The following ZNF718 variants were observed in gnomAD, a reference collection of about 807,000 sequenced individuals.
ZNF718 encodes the protein zinc finger protein 718.
ZNF718 carries 3 observed loss-of-function variants against 2.6 expected under a neutral mutation model. That is an observed-to-expected ratio of 1.16 (90% CI 0.53 to 3.01). The LOEUF is 3.01. Ranked by LOEUF, ZNF718 falls within the 30% of genes most tolerant of loss-of-function variation. The pLI is 0.03. For synonymous variants in ZNF718, 135 were observed against 77.9 expected, an observed-to-expected ratio of 1.73 and a Z score of -3.86; for missense variants, 468 against 230.0, an observed-to-expected ratio of 2.03 and a Z score of -6.69.
intron 3 of ZNF718, among the ~76,000 whole-genome samples, chr4:142,414 G>C (rs1715852147): frequency 6.6e-6 from 1 of 152,198 alleles, no homozygotes; most frequent in Admixed American, 6.5e-5. Flanking sequence ...AGCCCAGTCA[G>C]TGTAAGTAAG....
chr4:138,543 G>C (rs1471615220), intron 3 of ZNF718, among the ~76,000 whole-genome samples: 6 of 152,116 alleles, frequency 3.9e-5, no homozygotes, highest in East Asian at 1.9e-4. Context: ...GGGACACTTA[G>C]GTTGCTTCTA....
intron 3 of ZNF718, among the ~76,000 whole-genome samples, chr4:188,521 C>G (rs564179910): frequency 6.6e-6 from 1 of 152,326 alleles, no homozygotes; most frequent in Non-Finnish European, 1.5e-5. Flanking sequence ...GCTCATCCCC[C>G]TGGATTCAGC....
At chr4:146,871 T>G (rs1009821905) in intron 3 of ZNF718, among the ~76,000 whole-genome samples, 1 of 152,124 alleles carries the variant, frequency 6.6e-6, no homozygotes, top group Non-Finnish European at 1.5e-5. Flanking sequence ...ATTTGGTTCT[T>G]TTTTAATGGT....
At chr4:136,849 G>A (rs1715593852) in intron 3 of ZNF718, among the ~76,000 whole-genome samples, 1 of 152,160 alleles carries the variant, frequency 6.6e-6, no homozygotes, top group Admixed American at 6.5e-5. Context: ...ATTGAAGGGT[G>A]TTTGAGTTTT....
At chr4:200,108 GC>G (rs2108819556) in intron 3 of ZNF718, among the ~76,000 whole-genome samples, 1 of 152,280 alleles carries the variant, frequency 6.6e-6, no homozygotes, top group South Asian at 2.1e-4. Context: ...AATAATTCTG[GC>G]ATTTCAAACA....
intron 3 of ZNF718, among the ~76,000 whole-genome samples, chr4:159,202 ATT>A (rs1428186345): frequency 6.6e-6 from 1 of 151,474 alleles, no homozygotes; most frequent in East Asian, 1.9e-4. Flanking sequence ...CACCTGGCTA[ATT>A]TTTTTGTATT....
chr4:160,861 A>G (rs1716791068), intron 3 of ZNF718, 51 bp from the exon 4 acceptor site: 1 of 709,030 alleles, frequency 1.4e-6, no homozygotes, highest in South Asian at 1.7e-5. Flanking sequence ...TGTAAAGTAT[A>G]TTTATATGAA....
intron 3 of ZNF718, among the ~76,000 whole-genome samples, chr4:180,963 T>C (rs1377630735): frequency 2.0e-5 from 3 of 152,150 alleles, no homozygotes; most frequent in African/African-American, 7.2e-5. Flanking sequence ...TATTTTGTCT[T>C]TTGTATTCAT....
At chr4:164,705 G>A (rs1418362195), downstream of ZNF718, among the ~76,000 whole-genome samples, 1 of 152,018 alleles carries the variant, frequency 6.6e-6, no homozygotes, top group African/African-American at 2.4e-5. Context: ...GTTTAATTGG[G>A]GAACCATATA....
At chr4:172,187 C>CT (rs1325225042) in intron 3 of ZNF718, among the ~76,000 whole-genome samples, 1 of 152,146 alleles carries the variant, frequency 6.6e-6, no homozygotes, top group Non-Finnish European at 1.5e-5. Flanking sequence ...CCAAATGCCT[C>CT]TTTTTTTCTG....
intron 3 of ZNF718, among the ~76,000 whole-genome samples, chr4:143,191 G>A (rs556713307): frequency 6.6e-6 from 1 of 152,218 alleles, no homozygotes; most frequent in African/African-American, 2.4e-5. Flanking sequence ...ACCAAAAAGG[G>A]GGAATTTCGT....
chr4:130,551 TCCTGGCCAACATCGTGAAAC>T lies in ZNF718; in HGVS notation c.4-232_4-213del, dbSNP rs1464367098. Among the ~76,000 whole-genome samples the T allele has an allele frequency of 8.9e-4, 91 of 102,232 alleles. 28 individuals are homozygous for T. The highest frequency in any genetic ancestry group is 2.7e-3 in the African/African-American group (78 of 29,318). 67.1% of individuals were successfully genotyped at this position (102,232 alleles called of 152,430 possible). On this transcript the variant is annotated intron_variant, in intron 1 of 3. Transcript: ENST00000510175. The stretch of plus-strand genomic sequence containing the variant: ...TCACGAGGTCAGAAGATGGAGACCA[TCCTGGCCAACATCGTGAAAC>T]CCTGTCTCTAATAAACAAAAATTAG...
chr4:135,437 C>G (rs75675801), intron 3 of ZNF718, among the ~76,000 whole-genome samples: 1,925 of 151,732 alleles, frequency 0.013, 46 homozygotes, highest in African/African-American at 0.044. Flanking sequence ...ACAGCTTAAG[C>G]AGGGATAGTG....
chr4:148,664 C>T (rs1716181154), intron 3 of ZNF718, among the ~76,000 whole-genome samples: 1 of 148,024 alleles, frequency 6.8e-6, no homozygotes, highest in Admixed American at 6.7e-5. Context: ...GGCAGGCCTA[C>T]ATCCAGGGGC....
chr4:164,342 T>G (rs1553816344), downstream of ZNF718, among the ~76,000 whole-genome samples: 1 of 151,972 alleles, frequency 6.6e-6, no homozygotes, highest in East Asian at 1.9e-4. Context: ...ATAGCAACAT[T>G]GGGACAAAAA....
At chr4:168,761 T>C (rs1553817415), downstream of ZNF718, among the ~76,000 whole-genome samples, 1 of 152,152 alleles carries the variant, frequency 6.6e-6, no homozygotes, top group African/African-American at 2.4e-5. Context: ...TTATTAGTCT[T>C]GCTAGTGGTC....
chr4:174,362 A>T (rs1299276063), intron 3 of ZNF718, among the ~76,000 whole-genome samples: 1 of 152,186 alleles, frequency 6.6e-6, no homozygotes, highest in Admixed American at 6.5e-5. Context: ...ATGGGTTATC[A>T]AATGTGAATA....
intron 3 of ZNF718, among the ~76,000 whole-genome samples, chr4:188,947 C>T (rs1255692951): frequency 1.5e-5 from 2 of 136,620 alleles, no homozygotes; most frequent in African/African-American, 5.3e-5. Context: ...TTCAAAGTCT[C>T]ATGTGTGTTT....
chr4:186,239 T>C (rs1383619446), intron 3 of ZNF718, among the ~76,000 whole-genome samples: 1 of 152,178 alleles, frequency 6.6e-6, no homozygotes, highest in East Asian at 1.9e-4. Flanking sequence ...CCTTCACTTA[T>C]GAAGCTTAAC....
Sources: allele counts gnomAD v4.1 joint callset (sites outside exome capture counted in the v4.1 genomes callset), GRCh38; gene constraint gnomAD v4.1.1; transcripts MANE v1.5; gene names NCBI Gene and HGNC (gene_info 2026-07-23, HGNC 2026-07-21).